SPEN: variants seen among roughly 807,000 people sequenced by gnomAD.
The protein encoded by SPEN is spen family transcriptional repressor.
Under a neutral mutation model 269.9 loss-of-function variants are expected in SPEN, and 18 were observed. That is an observed-to-expected ratio of 0.07 (90% CI 0.05 to 0.10). SPEN has a LOEUF of 0.10. SPEN is among the 10% of genes least tolerant of loss of function. The pLI is 1.00. For missense variants in SPEN, 3,822 were observed against 4,631.2 expected (o/e 0.83, Z 5.07); for synonymous variants, 1,726 against 1,765.7 (o/e 0.98, Z 0.56).
At chr1:15,907,230 C>T (rs2070967212) in intron 3 of SPEN, among the ~76,000 whole-genome samples, 1 of 151,954 alleles carries the variant, frequency 6.6e-6, no homozygotes, top group South Asian at 2.1e-4. Flanking sequence ...GCCTGTATTC[C>T]CAGCACATTG....
intron 6 of SPEN, 123 bp downstream of exon 6, chr1:15,916,402 T>G (rs1325593919): frequency 9.7e-7 from 1 of 1,034,216 alleles, no homozygotes; most frequent in African/African-American, 1.6e-5. Context: ...TGTGTGCTTT[T>G]AGCTCTTGCT....
intron 5 of SPEN, among the ~76,000 whole-genome samples, chr1:15,912,743 A>T (rs938177459): frequency 2.6e-5 from 4 of 152,246 alleles, no homozygotes; most frequent in African/African-American, 4.8e-5. Context: ...AGCTAAGAGC[A>T]ACTCCAGGAG....
At chr1:15,860,444 T>A (rs1373780841) in intron 1 of SPEN, among the ~76,000 whole-genome samples, 2 of 76,758 alleles carry the variant, frequency 2.6e-5, no homozygotes, top group Non-Finnish European at 6.8e-5. Flanking sequence ...CCCACTGTAG[T>A]GTGTGTGTGT....
At chr1:15,904,035 A>T (rs543958332) in intron 3 of SPEN, among the ~76,000 whole-genome samples, 10 of 152,318 alleles carry the variant, frequency 6.6e-5, no homozygotes, top group African/African-American at 1.4e-4. Context: ...AAAAATTTTT[A>T]AAAATTAAAA....
At chr1:15,917,475 C>T (rs1021917467) in intron 6 of SPEN, among the ~76,000 whole-genome samples, 15 of 152,084 alleles carry the variant, frequency 9.9e-5, no homozygotes, top group African/African-American at 3.4e-4. Flanking sequence ...CTGCAGCCTC[C>T]GCCTCCTGGG....
Position 15,939,018 on chromosome 1 carries a change from C to A in SPEN, c.10863+142C>A. The A allele has an allele frequency of 8.7e-7, 1 of 1,151,444 alleles. No homozygotes were observed. Among genetic ancestry groups the A allele is most frequent in the Non-Finnish European group, 1.2e-6 (1 of 820,382 alleles). 71.3% of individuals were successfully genotyped at this position (1,151,444 alleles called of 1,614,324 possible). ...ATTTTGGACAGAAGTCAGTAGAGCA[C>A]ATGGGGCGGGGCGCCATCACCCATC... On this transcript the variant is annotated intron_variant, in intron 14 of 14. Transcript: ENST00000375759. This position sits in a 1 kb window ranked among gnomAD's most constrained non-coding sequence, Gnocchi z 4.1.
chr1:15,919,096 G>GT, intron 7 of SPEN, 45 bp downstream of exon 7: 1 of 1,561,184 alleles, frequency 6.4e-7, no homozygotes, highest in Non-Finnish European at 8.7e-7. Flanking sequence ...GATTTGCTTT[G>GT]TTTTTTAAGA....
At position 15,931,922 on chromosome 1, in the gene SPEN, G is replaced by A. The variant is rs1557760177; in HGVS notation, c.5682G>A (p.Leu1894=). The change falls in exon 11 of 15, where the codon TTG becomes TTA. Residue 1894 remains leucine (L), a synonymous_variant. Coordinates refer to ENST00000375759, the MANE Select transcript of SPEN (RefSeq NM_015001.3). The surrounding 1 kb of genome is among the most constrained non-coding windows in gnomAD (Gnocchi z 4.8). ...ACCTTGAACATCCCGAACCAAGTTTGCCTCTCAGCCGAACAAGGCGCCGGA... is the reference window on the plus strand; with the variant it reads ...ACCTTGAACATCCCGAACCAAGTTTACCTCTCAGCCGAACAAGGCGCCGGA... ...AADLEHPEPS[L]PLSRTRRRNV... is the part of the protein sequence containing the mutation. The A allele has an allele frequency of 6.2e-7, 1 of 1,614,188 alleles. No homozygotes were observed. The highest frequency in any genetic ancestry group is 8.5e-7 in the Non-Finnish European group (1 of 1,180,032).
intron 3 of SPEN, among the ~76,000 whole-genome samples, chr1:15,908,415 G>A (rs1301986722): frequency 2.0e-5 from 3 of 150,570 alleles, no homozygotes; most frequent in South Asian, 2.1e-4. Context: ...AAACTTTTGC[G>A]TTTCTTTAAT....
chr1:15,936,320 C>T (rs1045533308), intron 11 of SPEN, 54 bp downstream of exon 11: 4 of 1,490,184 alleles, frequency 2.7e-6, no homozygotes, highest in Admixed American at 2.3e-5. Context: ...TTGTGGGGCT[C>T]AGCAGGCTTT....
At chr1:15,905,226 T>G (rs1425102884) in intron 3 of SPEN, among the ~76,000 whole-genome samples, 2 of 150,940 alleles carry the variant, frequency 1.3e-5, no homozygotes, top group Non-Finnish European at 2.9e-5. Context: ...TTATTTTATT[T>G]TATTTATTTT....
intron 1 of SPEN, among the ~76,000 whole-genome samples, chr1:15,855,263 G>T (rs1391624880): frequency 6.6e-6 from 1 of 152,124 alleles, no homozygotes; most frequent in Non-Finnish European, 1.5e-5. Flanking sequence ...ATTGCCAAAT[G>T]ATATGAAGAT....
chr1:15,923,844 AT>A (rs1394714507), intron 10 of SPEN, among the ~76,000 whole-genome samples: 2 of 151,784 alleles, frequency 1.3e-5, no homozygotes, highest in Non-Finnish European at 2.9e-5. Flanking sequence ...TAATTTTTGT[AT>A]TTTTAGTAGA....
intron 3 of SPEN, among the ~76,000 whole-genome samples, chr1:15,896,187 C>CTTTTTT (rs34846762): frequency 7.2e-5 from 5 of 69,220 alleles, no homozygotes; most frequent in Non-Finnish European, 1.3e-4. Context: ...TTTACCATCA[C>CTTTTTT]TTTTTTTTTT....
chr1:15,876,792 A>G (rs2070635457), intron 3 of SPEN, 114 bp downstream of exon 3: 2 of 823,076 alleles, frequency 2.4e-6, no homozygotes, highest in Non-Finnish European at 2.0e-6. Flanking sequence ...TGGATCATAT[A>G]TGTATGTAAT....
chr1:15,887,927 C>T (rs1404891202), intron 3 of SPEN, among the ~76,000 whole-genome samples: 3 of 150,942 alleles, frequency 2.0e-5, no homozygotes, highest in South Asian at 2.1e-4. Flanking sequence ...GCTCGGGAGG[C>T]GGAGGCAGGA....
rs999992103 is a variant in SPEN at position 15,939,166 on chromosome 1, G to A, written c.10864-130G>A. The A allele has an allele frequency of 5.4e-6, 7 of 1,286,036 alleles. No homozygotes were observed. The highest frequency in any genetic ancestry group is 7.4e-6 in the Non-Finnish European group (7 of 943,724). The allele number at this position is 1,286,036 out of a possible 1,614,324, so 79.7% of individuals were successfully genotyped here. On this transcript the variant is annotated intron_variant, in intron 14 of 14. Transcript: ENST00000375759. This position sits in a 1 kb window ranked among gnomAD's most constrained non-coding sequence, Gnocchi z 4.1. ...TAGGTCTTCCAGTAGACATAGTCCT[G>A]GCACATTTGCTGGTTGGGGACTGAT...
At chr1:15,909,103 A>G (rs748241313) in intron 3 of SPEN, among the ~76,000 whole-genome samples, 2 of 152,166 alleles carry the variant, frequency 1.3e-5, no homozygotes, top group Admixed American at 6.6e-5. Context: ...CATTGGTGGT[A>G]TGTGGTGGTA....
intron 3 of SPEN, among the ~76,000 whole-genome samples, chr1:15,904,930 C>A (rs2070940926): frequency 6.6e-6 from 1 of 150,782 alleles, no homozygotes; most frequent in South Asian, 2.1e-4. Context: ...CCCTTATTGC[C>A]CAGGCTGGAG....
Sources: gnomAD v4.1 joint callset for allele counts (sites outside exome capture counted in the v4.1 genomes callset) on GRCh38, gnomAD v4.1.1 for gene constraint, Gnocchi (gnomAD v3.1) non-coding constraint, MANE v1.5 for transcripts, NCBI Gene and HGNC (gene_info 2026-07-23, HGNC 2026-07-21) for gene names.